Variants in COL11A1 observed in about 807,000 individuals in gnomAD.
The protein encoded by COL11A1 is collagen type XI alpha 1 chain.
COL11A1 carries 74 observed loss-of-function variants against 265.2 expected under a neutral mutation model. The observed-to-expected ratio is 0.28, with a 90% CI of 0.23 to 0.34. COL11A1 has a LOEUF of 0.34. Ranked by LOEUF, COL11A1 falls within the 10% of genes least tolerant of loss-of-function variation. The pLI is 1.00. For synonymous variants in COL11A1, 816 were observed against 727.6 expected (o/e 1.12, Z -1.96); for missense variants, 2,165 against 2,263.6 (o/e 0.96, Z 0.88).
At chr1:102,961,627 G>C in intron 41 of COL11A1, 1 of 452,564 alleles carries the variant, frequency 2.2e-6, no homozygotes. Flanking sequence ...ACCGTAAGAA[G>C]CAAGATATCT....
chr1:103,046,985 A>C (rs1011949282), intron 4 of COL11A1, among the ~76,000 whole-genome samples: 3 of 152,132 alleles, frequency 2.0e-5, no homozygotes, highest in Non-Finnish European at 4.4e-5. Flanking sequence ...TGGTACAAGT[A>C]CCATGTTGTT....
At chr1:103,010,271 G>A (rs1402493641) in intron 14 of COL11A1, among the ~76,000 whole-genome samples, 1 of 152,094 alleles carries the variant, frequency 6.6e-6, no homozygotes, top group East Asian at 1.9e-4. Flanking sequence ...TACTTTTTTA[G>A]ACTATAGAAT....
At chr1:102,925,832 C>T (rs539765845) in intron 46 of COL11A1, among the ~76,000 whole-genome samples, 2 of 152,162 alleles carry the variant, frequency 1.3e-5, no homozygotes, top group African/African-American at 4.8e-5. Flanking sequence ...AAATAGCATA[C>T]ACTGCAACTT....
intron 54 of COL11A1, among the ~76,000 whole-genome samples, chr1:102,899,911 A>C (rs1047065770): frequency 7.2e-5 from 11 of 152,062 alleles, no homozygotes; most frequent in Non-Finnish European, 1.0e-4. Flanking sequence ...TTTTAAACTG[A>C]GTATCAATAG....
intron 11 of COL11A1, among the ~76,000 whole-genome samples, chr1:103,016,949 A>T (rs1666615906): frequency 6.6e-6 from 1 of 151,926 alleles, no homozygotes; most frequent in Admixed American, 6.6e-5. Context: ...TTCTCACCTG[A>T]TATAGAGTTT....
intron 4 of COL11A1, among the ~76,000 whole-genome samples, chr1:103,068,062 G>T (rs1340915024): frequency 2.6e-5 from 4 of 151,500 alleles, no homozygotes; most frequent in Non-Finnish European, 5.9e-5. Flanking sequence ...TCAGAAAATA[G>T]ATAAGGAGAG....
intron 54 of COL11A1, among the ~76,000 whole-genome samples, chr1:102,903,398 C>T (rs780745564): frequency 6.6e-6 from 1 of 152,090 alleles, no homozygotes; most frequent in Non-Finnish European, 1.5e-5. Flanking sequence ...AGTGGTAATA[C>T]TTTTGAACAC....
intron 31 of COL11A1, among the ~76,000 whole-genome samples, chr1:102,983,651 A>G (rs1011164044): frequency 1.3e-5 from 2 of 152,034 alleles, no homozygotes; most frequent in Non-Finnish European, 2.9e-5. Context: ...TGTCCTCCAG[A>G]ACTGTAAGGC....
Position 102,965,540 on chromosome 1 carries a change from C to T in COL11A1, c.2863G>A (p.Gly955Arg). 6.2e-7 allele frequency: 1 copy of T among 1,613,026 alleles called. No individual in the cohort carries two copies. Among genetic ancestry groups the T allele is most frequent in the Non-Finnish European group, 8.5e-7 (1 of 1,179,236 alleles). ...GGAGGGCCGGTCTTGCCTTGAAATC[C>T]CTAAGGAGGCAAAGTATTATTTGTA... ...PGHPGQRGET[G>R]FQGKTGPPGP... The change falls in exon 38 of 67, where the codon GGA becomes AGA. Residue 955 changes from glycine (G) to arginine (R), a missense_variant and splice_region_variant. Gly to Arg is a moderately radical substitution (Grantham distance 125). Coordinates refer to ENST00000370096, the MANE Select transcript of COL11A1 (RefSeq NM_001854.4).
intron 3 of COL11A1, among the ~76,000 whole-genome samples, chr1:103,076,856 G>A (rs574039420): frequency 2.6e-5 from 4 of 152,148 alleles, no homozygotes; most frequent in Admixed American, 6.5e-5. Flanking sequence ...CCAGCCAAGC[G>A]GTGGCTAATA....
chr1:103,033,205 T>A (rs1160726638), intron 4 of COL11A1, among the ~76,000 whole-genome samples: 3 of 152,122 alleles, frequency 2.0e-5, no homozygotes, highest in African/African-American at 7.2e-5. Flanking sequence ...TTCCCTTTTA[T>A]GGACATGCCG....
At position 102,877,837 on chromosome 1, in the gene COL11A1, A is replaced by AT. The variant is rs1649677872; in HGVS notation, c.*181dup. ...AGCCACACCAACTTATATCTTTATG[A>AT]TTTTCAAAGCTTTTGCCATGTGATT... On this transcript the variant is annotated 3_prime_UTR_variant, in exon 67 of 67. Transcript: ENST00000370096. 3 of 587,494 alleles carry AT rather than the reference A, an allele frequency of 5.1e-6. No individual in the cohort carries two copies. The South Asian group carries it at 6.3e-5, about 12-fold the overall frequency. 36.4% of individuals were successfully genotyped at this position (587,494 alleles called of 1,614,324 possible). A position where few individuals can be genotyped will look rare whatever the true frequency, so the allele number is the denominator to read the frequency against.
chr1:103,014,451 AC>A, intron 13 of COL11A1, 59 bp downstream of exon 13: 1 of 1,318,336 alleles, frequency 7.6e-7, no homozygotes, highest in Non-Finnish European at 1.1e-6. Flanking sequence ...GTATGTACAC[AC>A]ATATATACTT....
chr1:102,907,954 A>T (rs1051013132), intron 54 of COL11A1, among the ~76,000 whole-genome samples: 1 of 152,096 alleles, frequency 6.6e-6, no homozygotes, highest in Non-Finnish European at 1.5e-5. Context: ...GAAAAAGTTC[A>T]TGTTAGATTC....
intron 4 of COL11A1, among the ~76,000 whole-genome samples, chr1:103,072,354 T>A (rs1045348931): frequency 6.6e-6 from 1 of 151,936 alleles, no homozygotes; most frequent in Admixed American, 6.6e-5. Context: ...AATCTGCAAC[T>A]AAATCTGACT....
At chr1:102,932,234 T>G (rs930526157) in intron 46 of COL11A1, among the ~76,000 whole-genome samples, 1 of 152,236 alleles carries the variant, frequency 6.6e-6, no homozygotes, top group Admixed American at 6.5e-5. Flanking sequence ...CTGGTGCCGG[T>G]TGTTCCTTTC....
At chr1:102,981,730 G>A (rs1201111732) in intron 31 of COL11A1, among the ~76,000 whole-genome samples, 1 of 151,952 alleles carries the variant, frequency 6.6e-6, no homozygotes, top group East Asian at 1.9e-4. Flanking sequence ...AATTGGCTCA[G>A]TCAATAAATG....
intron 2 of COL11A1, 23 bp from the exon 3 acceptor site, chr1:103,078,894 T>G (rs747419126): frequency 1.3e-6 from 2 of 1,542,402 alleles, no homozygotes; most frequent in East Asian, 4.6e-5. Flanking sequence ...GGCCAAAGAG[T>G]TAGAAATTTC....
rs890533489 is a variant in COL11A1 at position 102,898,281 on chromosome 1, T to C, written c.4249-103A>G. The C allele has an allele frequency of 3.1e-5, 16 of 509,422 alleles. 1 individual carries two copies. The highest frequency in any genetic ancestry group is 7.1e-4 in the Middle Eastern group (1 of 1,400). The allele number at this position is 509,422 out of a possible 1,614,324, so 31.6% of individuals were successfully genotyped here. A position where few individuals can be genotyped will look rare whatever the true frequency, so the allele number is the denominator to read the frequency against. On this transcript the variant is annotated intron_variant, in intron 56 of 66. Transcript: ENST00000370096. ...ATACAATAAGAAAACAAAGGAAATA[T>C]CACCCTTAAGTTCCACCATATGGAG...
Sources: gnomAD v4.1 joint callset for allele counts (sites outside exome capture counted in the v4.1 genomes callset) on GRCh38, gnomAD v4.1.1 for gene constraint, MANE v1.5 for transcripts, NCBI Gene and HGNC (gene_info 2026-07-23, HGNC 2026-07-21) for gene names.